The following TRAPPC9 variants were observed in gnomAD, a reference collection of about 807,000 sequenced individuals.
The protein encoded by TRAPPC9 is IKK2 binding protein.
TRAPPC9 carries 83 observed loss-of-function variants against 124.0 expected under a neutral mutation model. The observed-to-expected ratio is 0.67, with a 90% CI of 0.56 to 0.80. The LOEUF (loss-of-function observed/expected upper bound fraction) is 0.80, where lower values mean the gene tolerates loss of function less well. TRAPPC9 is among the 30% of genes least tolerant of loss of function. The pLI is 0.00. For missense variants in TRAPPC9, 1,302 were observed against 1,508.3 expected, an observed-to-expected ratio of 0.86 and a Z score of 2.27; for synonymous variants, 638 against 617.5, an observed-to-expected ratio of 1.03 and a Z score of -0.49.
At chr8:140,403,444 A>C (rs986903176) in intron 6 of TRAPPC9, among the ~76,000 whole-genome samples, 27 of 151,374 alleles carry the variant, frequency 1.8e-4, no homozygotes, top group African/African-American at 6.5e-4. Context: ...AAAAAAAAAA[A>C]GATATTTCTA....
intron 19 of TRAPPC9, among the ~76,000 whole-genome samples, chr8:139,960,377 C>T (rs556604394): frequency 9.6e-4 from 146 of 152,258 alleles, no homozygotes; most frequent in African/African-American, 3.3e-3. Context: ...CATCGCCCTC[C>T]GGAAGATTCA....
At chr8:140,062,439 T>A (rs28568840) in intron 17 of TRAPPC9, among the ~76,000 whole-genome samples, 1 of 151,894 alleles carries the variant, frequency 6.6e-6, no homozygotes, top group Non-Finnish European at 1.5e-5. Flanking sequence ...CCATTCCTTA[T>A]GTCCTGGCTG....
intron 21 of TRAPPC9, among the ~76,000 whole-genome samples, chr8:139,815,353 C>T (rs1304628390): frequency 2.0e-5 from 3 of 151,822 alleles, no homozygotes; most frequent in South Asian, 4.2e-4. Context: ...ATTCACATTC[C>T]TTCCATTTCT....
rs902197928 is a variant in TRAPPC9, at chr8:139,776,844, C to T, written c.3056-44642G>A. ...AGGCAATAAAAGCCAAAGTCCATTG[C>T]GCCTGTGACTTACTATAAAATGACA... is the stretch of plus-strand genomic sequence containing the variant. On this transcript the variant is annotated intron_variant, in intron 21 of 22. Coordinates refer to ENST00000438773, the MANE Select transcript of TRAPPC9 (RefSeq NM_001160372.4). The surrounding 1 kb of genome is among the most constrained non-coding windows in gnomAD (Gnocchi z 4.1). Among the ~76,000 whole-genome samples, 5 of 152,194 alleles carry T rather than the reference C, an allele frequency of 3.3e-5. No individual in the cohort carries two copies. The highest frequency in any genetic ancestry group is 4.1e-4 in the South Asian group (2 of 4,830).
Position 140,291,082 on chromosome 8 carries a change from G to C in TRAPPC9, c.1769-4C>G. Reference sequence around the variant, plus strand: ...TCTCCTTGAACCCACTGGAAATCTAGAAAATACACACACATAAATGAATCC... The same window carrying C: ...TCTCCTTGAACCCACTGGAAATCTACAAAATACACACACATAAATGAATCC... On this transcript the variant is annotated splice_region_variant and splice_polypyrimidine_tract_variant and intron_variant, in intron 11 of 22. Transcript: ENST00000438773. The C allele has an allele frequency of 6.2e-7, 1 of 1,613,098 alleles. No individual in the cohort carries two copies. The highest frequency in any genetic ancestry group is 8.5e-7 in the Non-Finnish European group (1 of 1,179,058).
intron 21 of TRAPPC9, among the ~76,000 whole-genome samples, chr8:139,768,149 C>T (rs577148017): frequency 6.6e-6 from 1 of 152,314 alleles, no homozygotes; most frequent in Admixed American, 6.5e-5. Flanking sequence ...TAAAGGAATA[C>T]TATGTAGCCA....
intron 7 of TRAPPC9, among the ~76,000 whole-genome samples, chr8:140,386,785 A>G (rs1221807080): frequency 6.6e-6 from 1 of 152,168 alleles, no homozygotes; most frequent in East Asian, 1.9e-4. Context: ...CAAGCTACCA[A>G]TGACTTTCTT....
chr8:140,374,264 GA>G lies in TRAPPC9; in HGVS notation c.1135-3085del, dbSNP rs2068369893. 3.9e-5 allele frequency among the ~76,000 whole-genome samples: 6 copies of G among 152,262 alleles called. No homozygotes were observed. In the South Asian group the frequency reaches 1.2e-3, roughly 32 times the overall value. On this transcript the variant is annotated intron_variant, in intron 7 of 22. Coordinates refer to ENST00000438773, the MANE Select transcript of TRAPPC9 (RefSeq NM_001160372.4). ...AGCAGCCAGGGACGGGGTGGAAGAG[GA>G]CTGTAAAGAGGAGGCAGGGGTTGGC...
chr8:139,822,161 G>C (rs1825297383), intron 21 of TRAPPC9, among the ~76,000 whole-genome samples: 1 of 152,124 alleles, frequency 6.6e-6, no homozygotes, highest in South Asian at 2.1e-4. Flanking sequence ...CCAGCTGTGG[G>C]CCAGGCCGTG....
intron 15 of TRAPPC9, among the ~76,000 whole-genome samples, chr8:140,253,549 G>A (rs1033553254): frequency 1.3e-5 from 2 of 151,944 alleles, no homozygotes; most frequent in Admixed American, 6.6e-5. Context: ...GTGGCAGCGC[G>A]CCTCTGTAAT....
intron 17 of TRAPPC9, among the ~76,000 whole-genome samples, chr8:140,209,531 TGTTGA>T (rs1193350149): frequency 6.6e-6 from 1 of 152,248 alleles, no homozygotes; most frequent in Non-Finnish European, 1.5e-5. Flanking sequence ...GTTTTGAAAT[TGTTGA>T]GCAGATTAAA....
At chr8:139,745,248 T>C (rs1818813255) in intron 21 of TRAPPC9, among the ~76,000 whole-genome samples, 1 of 152,210 alleles carries the variant, frequency 6.6e-6, no homozygotes. Flanking sequence ...GAGATGATGG[T>C]TGGAGCTTAG....
chr8:140,330,593 A>T (rs1027310779), intron 9 of TRAPPC9, among the ~76,000 whole-genome samples: 7 of 152,242 alleles, frequency 4.6e-5, no homozygotes, highest in African/African-American at 7.2e-5. Flanking sequence ...ATGTTCTACC[A>T]AAATGAAAGG....
chr8:139,758,623 C>G (rs551215877), intron 21 of TRAPPC9, among the ~76,000 whole-genome samples: 98 of 152,144 alleles, frequency 6.4e-4, no homozygotes, highest in Non-Finnish European at 1.1e-3. Flanking sequence ...GAGCCAGGCT[C>G]CCTGAAGGAG....
At chr8:139,921,196 C>T (rs983010975) in intron 19 of TRAPPC9, among the ~76,000 whole-genome samples, 2 of 152,192 alleles carry the variant, frequency 1.3e-5, no homozygotes, top group Non-Finnish European at 2.9e-5. Flanking sequence ...CCATACCACG[C>T]GACTCCTCCC....
At chr8:139,964,394 C>G (rs1385175766) in intron 19 of TRAPPC9, among the ~76,000 whole-genome samples, 1 of 152,198 alleles carries the variant, frequency 6.6e-6, no homozygotes, top group African/African-American at 2.4e-5. Context: ...CTGGAATGCA[C>G]TCTCTCACAG....
intron 15 of TRAPPC9, among the ~76,000 whole-genome samples, chr8:140,272,130 C>CAATGATGATGGCGATGGTGATGGT (rs1450234909): frequency 4.0e-5 from 4 of 100,458 alleles, no homozygotes; most frequent in Non-Finnish European, 8.9e-5. Flanking sequence ...GTGATGGTGG[C>CAATGATGATGGCGATGGTGATGGT]GATGGTGATG....
chr8:140,353,864 G>A lies in TRAPPC9; in HGVS notation c.1495+6186C>T, dbSNP rs1378518778. Reference sequence around the variant, plus strand: ...GCTCCAGATATGCGTGACAGTTGGTGTCTTTGAGGAGCTTAGAGGCTTGCT... The same window carrying A: ...GCTCCAGATATGCGTGACAGTTGGTATCTTTGAGGAGCTTAGAGGCTTGCT... On this transcript the variant is annotated intron_variant, in intron 9 of 22. Transcript: ENST00000438773. The surrounding 1 kb of genome is among the most constrained non-coding windows in gnomAD (Gnocchi z 4.2). Among the ~76,000 whole-genome samples the A allele has an allele frequency of 2.0e-5, 3 of 152,238 alleles. No individual in the cohort carries two copies. The highest frequency in any genetic ancestry group is 7.2e-5 in the African/African-American group (3 of 41,460).
At chr8:140,133,905 C>G (rs1341065495) in intron 17 of TRAPPC9, among the ~76,000 whole-genome samples, 1 of 151,152 alleles carries the variant, frequency 6.6e-6, no homozygotes, top group Non-Finnish European at 1.5e-5. Flanking sequence ...AAAGGATGAC[C>G]TAAATAAATG....
Sources: gnomAD v4.1 joint callset for allele counts (sites outside exome capture counted in the v4.1 genomes callset) on GRCh38, gnomAD v4.1.1 for gene constraint, Gnocchi (gnomAD v3.1) non-coding constraint, MANE v1.5 for transcripts, NCBI Gene and HGNC (gene_info 2026-07-23, HGNC 2026-07-21) for gene names.